SLC6A17: variants seen among roughly 807,000 people sequenced by gnomAD.
The protein encoded by SLC6A17 is sodium-dependent neutral amino acid transporter SLC6A17.
Under a neutral mutation model 64.5 loss-of-function variants are expected in SLC6A17, and 21 were observed. That is an observed-to-expected ratio of 0.33 (90% CI 0.23 to 0.47). The LOEUF (loss-of-function observed/expected upper bound fraction) is 0.47. SLC6A17 is among the 20% of genes least tolerant of loss of function. The pLI is 1.00. For missense variants in SLC6A17, 682 were observed against 963.2 expected (o/e 0.71, Z 3.86); for synonymous variants, 372 against 399.5 (o/e 0.93, Z 0.82).
intron 1 of SLC6A17, among the ~76,000 whole-genome samples, chr1:110,154,676 C>T (rs1410393541): frequency 1.1e-4 from 17 of 152,128 alleles, no homozygotes; most frequent in Non-Finnish European, 2.9e-5. Flanking sequence ...GCTAGGGGTT[C>T]GTGTGTAGAG....
rs1295747243 is a variant in SLC6A17, at chr1:110,166,787, C to T, written c.-87-56C>T. 2.1e-5 allele frequency: 23 copies of T among 1,119,936 alleles called. 1 individual carries two copies. In the African/African-American group the frequency reaches 2.2e-4, roughly 11 times the overall value. The allele number at this position is 1,119,936 out of a possible 1,614,324, so 69.4% of individuals were successfully genotyped here. ...TAATTTGGGTTGTGTCCACGTTGGG[C>T]TCCTCACCTTCCTGGTGTGGTCAGA... On this transcript the variant is annotated intron_variant, in intron 1 of 11. Coordinates refer to ENST00000331565, the MANE Select transcript of SLC6A17 (RefSeq NM_001010898.4).
chr1:110,170,159 G>C (rs1656180579), intron 2 of SLC6A17, among the ~76,000 whole-genome samples: 1 of 152,150 alleles, frequency 6.6e-6, no homozygotes, highest in Non-Finnish European at 1.5e-5. Flanking sequence ...TGCACATCTT[G>C]CCCCACCCAG....
intron 6 of SLC6A17, among the ~76,000 whole-genome samples, chr1:110,185,965 A>G (rs965406007): frequency 6.6e-6 from 1 of 152,158 alleles, no homozygotes; most frequent in African/African-American, 2.4e-5. Flanking sequence ...CTCAAAGGTC[A>G]AGTTCACCCT....
intron 2 of SLC6A17, among the ~76,000 whole-genome samples, chr1:110,169,849 T>C (rs1193717409): frequency 1.3e-5 from 2 of 152,176 alleles, no homozygotes; most frequent in African/African-American, 4.8e-5. Flanking sequence ...AAGGTTGATA[T>C]GAAAAAATAC....
chr1:110,185,878 A>G (rs1036177255), intron 6 of SLC6A17, among the ~76,000 whole-genome samples: 1 of 152,148 alleles, frequency 6.6e-6, no homozygotes, highest in African/African-American at 2.4e-5. Flanking sequence ...GGTCATCTCC[A>G]TCAGCAAGAG....
chr1:110,187,430 G>T (rs1656714867), intron 6 of SLC6A17, among the ~76,000 whole-genome samples: 1 of 152,206 alleles, frequency 6.6e-6, no homozygotes, highest in Admixed American at 6.5e-5. Flanking sequence ...GACCACATTT[G>T]ATTGGCCAAA....
intron 10 of SLC6A17, 55 bp from the exon 11 acceptor site, chr1:110,197,382 G>A (rs1656997031): frequency 6.4e-7 from 1 of 1,560,586 alleles, no homozygotes; most frequent in South Asian, 1.2e-5. Context: ...GATGGGGGAA[G>A]AGGGAGGTGT....
chr1:110,199,541 CT>C lies in SLC6A17; in HGVS notation c.*1098del. 6.3e-6 allele frequency: 1 copy of C among 159,008 alleles called. No individual in the cohort carries two copies. The highest frequency in any genetic ancestry group is 1.4e-5 in the Non-Finnish European group (1 of 72,656). The allele number at this position is 159,008 out of a possible 1,614,324, so 9.8% of individuals were successfully genotyped here. On this transcript the variant is annotated 3_prime_UTR_variant, in exon 12 of 12. Transcript: ENST00000331565. Reference sequence around the variant, plus strand: ...ATTTCACTGCCCCTTTGAGCCACCACTCACTCTCCTTATTACACAAGCACAG... The same window carrying C: ...ATTTCACTGCCCCTTTGAGCCACCACCACTCTCCTTATTACACAAGCACAG...
chr1:110,171,998 C>T (rs538762175), intron 2 of SLC6A17, 62 bp from the exon 3 acceptor site: 486 of 1,582,854 alleles, frequency 3.1e-4, no homozygotes, highest in Middle Eastern at 2.4e-3. Context: ...GGCTGCGGCC[C>T]CTTCCCTCAC....
chr1:110,154,522 T>C (rs1655703880), intron 1 of SLC6A17, among the ~76,000 whole-genome samples: 1 of 152,198 alleles, frequency 6.6e-6, no homozygotes, highest in Admixed American at 6.5e-5. Flanking sequence ...CGTCCAAGGT[T>C]TGGGGAACAT....
At chr1:110,173,579 T>C (rs1177340778) in intron 3 of SLC6A17, among the ~76,000 whole-genome samples, 1 of 152,160 alleles carries the variant, frequency 6.6e-6, no homozygotes, top group African/African-American at 2.4e-5. Flanking sequence ...TTGTTTACCA[T>C]AGGGGCCAAA....
chr1:110,172,984 G>T (rs1656282154), intron 3 of SLC6A17, among the ~76,000 whole-genome samples: 1 of 152,380 alleles, frequency 6.6e-6, no homozygotes, highest in Admixed American at 6.5e-5. Flanking sequence ...AGTAGGGCCA[G>T]CCCAAACTTG....
intron 1 of SLC6A17, among the ~76,000 whole-genome samples, chr1:110,155,699 G>A (rs1440543628): frequency 6.6e-6 from 1 of 152,214 alleles, no homozygotes; most frequent in Non-Finnish European, 1.5e-5. Context: ...CAAGTTGCCT[G>A]TCACTGTACG....
At position 110,172,551 on chromosome 1, in the gene SLC6A17, G is replaced by A. The variant is rs138285622; in HGVS notation, c.444+334G>A. 1.8e-4 allele frequency: 40 copies of A among 216,748 alleles called. No homozygotes were observed. In the East Asian group the frequency reaches 4.2e-3, roughly 23 times the overall value. The allele number at this position is 216,748 out of a possible 1,614,324, so 13.4% of individuals were successfully genotyped here. ...TGGACTAGCCCAGATGCCCTTCTCT[G>A]CTTATCAGTCCCTCAGCTCCCCATG... On this transcript the variant is annotated intron_variant, in intron 3 of 11. Coordinates refer to ENST00000331565, the MANE Select transcript of SLC6A17 (RefSeq NM_001010898.4).
intron 1 of SLC6A17, among the ~76,000 whole-genome samples, chr1:110,160,335 CAGT>C (rs1337615251): frequency 6.6e-6 from 1 of 152,192 alleles, no homozygotes; most frequent in Admixed American, 6.5e-5. Flanking sequence ...AAATGTGAGG[CAGT>C]AGTAAGATTT....
chr1:110,192,437 G>A lies in SLC6A17; in HGVS notation c.1107-69G>A. On this transcript the variant is annotated intron_variant, in intron 7 of 11. Coordinates refer to ENST00000331565, the MANE Select transcript of SLC6A17 (RefSeq NM_001010898.4). This position sits in a 1 kb window ranked among gnomAD's most constrained non-coding sequence, Gnocchi z 4.3. ...AGGTTCCCACCTGGGTGCCTGGGAA[G>A]AGCCTCCAGGATCTCACCCATTGCC... 6.5e-7 allele frequency: 1 copy of A among 1,534,250 alleles called. No individual in the cohort carries two copies. Among genetic ancestry groups the A allele is most frequent in the South Asian group, 1.3e-5 (1 of 78,524 alleles).
chr1:110,173,166 G>T (rs537378130), intron 3 of SLC6A17, among the ~76,000 whole-genome samples: 6 of 152,386 alleles, frequency 3.9e-5, no homozygotes, highest in Admixed American at 6.5e-5. Flanking sequence ...AAAGAAGTGG[G>T]TGTCTCACTC....
intron 11 of SLC6A17, among the ~76,000 whole-genome samples, chr1:110,197,863 G>A (rs1194922363): frequency 2.6e-5 from 4 of 152,196 alleles, no homozygotes; most frequent in Non-Finnish European, 5.9e-5. Flanking sequence ...CCTGTGGAGT[G>A]GAATTAGTCC....
intron 6 of SLC6A17, among the ~76,000 whole-genome samples, chr1:110,182,415 G>A (rs1656554138): frequency 6.6e-6 from 1 of 152,146 alleles, no homozygotes; most frequent in Admixed American, 6.5e-5. Context: ...GAGGCAGTTG[G>A]ATGTATGGAT....
Sources: gnomAD v4.1 joint callset for allele counts (sites outside exome capture counted in the v4.1 genomes callset) on GRCh38, gnomAD v4.1.1 for gene constraint, Gnocchi (gnomAD v3.1) non-coding constraint, MANE v1.5 for transcripts, NCBI Gene and HGNC (gene_info 2026-07-23, HGNC 2026-07-21) for gene names.